Variants in SMU1 observed in about 807,000 individuals in gnomAD.
The protein encoded by SMU1 is SMU1 DNA replication regulator and spliceosomal factor, also known as WD40 repeat-containing protein SMU1.
A neutral mutation model predicts 62.0 loss-of-function variants in SMU1; 2 were observed. The ratio of observed to expected loss-of-function variants is 0.03; its 90% CI spans 0.01 to 0.10. The LOEUF (loss-of-function observed/expected upper bound fraction) is 0.10. SMU1 is among the 10% of genes least tolerant of loss of function. The pLI is 1.00. For missense variants in SMU1, 227 were observed against 622.1 expected (o/e 0.36, Z 6.76); for synonymous variants, 188 against 212.4 (o/e 0.89, Z 1.00).
chr9:33,043,905 CGTTAGTG>C lies in SMU1; in HGVS notation c.*3381_*3387del, dbSNP rs1461336034. ...TAGCAAGGAAGGGCTCAACAGAGGC[CGTTAGTG>C]GTAGTAATAATACATGCTGAAAAAA... On this transcript the variant is annotated 3_prime_UTR_variant, in exon 12 of 12. Transcript: ENST00000397149. 2 of 148,798 alleles carry C rather than the reference CGTTAGTG, an allele frequency of 1.3e-5. No individual in the cohort carries two copies. The highest frequency in any genetic ancestry group is 2.5e-5 in the African/African-American group (1 of 40,102). The allele number at this position is 148,798 out of a possible 1,614,324, so 9.2% of individuals were successfully genotyped here.
intron 6 of SMU1, among the ~76,000 whole-genome samples, chr9:33,058,490 C>T (rs568423575): frequency 6.6e-6 from 1 of 152,172 alleles, no homozygotes; most frequent in South Asian, 2.1e-4. Context: ...CTAATTTTTA[C>T]ATTTTTAGTA....
At chr9:33,049,107 A>G (rs2119419713) in intron 10 of SMU1, among the ~76,000 whole-genome samples, 1 of 152,352 alleles carries the variant, frequency 6.6e-6, no homozygotes, top group Admixed American at 6.5e-5. Context: ...TTTTGTGGAT[A>G]TTGACAACCC....
intron 3 of SMU1, among the ~76,000 whole-genome samples, chr9:33,069,395 T>C (rs1444738600): frequency 6.6e-6 from 1 of 152,246 alleles, no homozygotes; most frequent in Admixed American, 6.5e-5. Flanking sequence ...ATCCTTTCCT[T>C]TATCCTCATA....
intron 2 of SMU1, among the ~76,000 whole-genome samples, chr9:33,073,151 C>T (rs1026175586): frequency 3.3e-5 from 5 of 152,122 alleles, no homozygotes; most frequent in African/African-American, 1.2e-4. Context: ...AATCCCAGCC[C>T]TTTGGAAAGT....
chr9:33,055,140 G>A (rs1839290449), intron 9 of SMU1, among the ~76,000 whole-genome samples: 2 of 151,996 alleles, frequency 1.3e-5, no homozygotes, highest in Non-Finnish European at 2.9e-5. Flanking sequence ...AGCAATTTCA[G>A]ACGGTGGTCT....
chr9:33,050,888 G>A (rs1203959011), intron 10 of SMU1, among the ~76,000 whole-genome samples: 3 of 70,104 alleles, frequency 4.3e-5, no homozygotes, highest in South Asian at 3.1e-4. Flanking sequence ...TTGGGAGGCC[G>A]AGGCGGGCGG....
intron 10 of SMU1, among the ~76,000 whole-genome samples, chr9:33,050,782 C>T (rs868784152): frequency 8.7e-5 from 13 of 149,614 alleles, no homozygotes; most frequent in Middle Eastern, 3.5e-3. Flanking sequence ...GCTGAGATTG[C>T]GCCACTGCAC....
intron 4 of SMU1, among the ~76,000 whole-genome samples, chr9:33,067,938 T>C (rs1485583260): frequency 6.6e-6 from 1 of 152,192 alleles, no homozygotes; most frequent in Non-Finnish European, 1.5e-5. Flanking sequence ...TTATTTATAA[T>C]ATATCTATTA....
At chr9:33,054,364 G>A (rs992985942) in intron 9 of SMU1, among the ~76,000 whole-genome samples, 4 of 151,854 alleles carry the variant, frequency 2.6e-5, no homozygotes, top group African/African-American at 9.7e-5. Context: ...ATTTTGATGT[G>A]GTAGGTCTAG....
intron 3 of SMU1, among the ~76,000 whole-genome samples, chr9:33,070,048 C>A (rs1839469720): frequency 6.6e-6 from 1 of 152,004 alleles, no homozygotes. Context: ...TTACTTGGAC[C>A]CAGGAAGCGG....
chr9:33,058,675 C>A (rs537741258), intron 6 of SMU1, among the ~76,000 whole-genome samples: 3 of 152,134 alleles, frequency 2.0e-5, no homozygotes, highest in African/African-American at 4.8e-5. Flanking sequence ...GGGGAAAAAA[C>A]CAACTTGGAT....
intron 9 of SMU1, among the ~76,000 whole-genome samples, chr9:33,055,136 T>A (rs1449169107): frequency 6.6e-6 from 1 of 152,098 alleles, no homozygotes; most frequent in Non-Finnish European, 1.5e-5. Flanking sequence ...GAACAGCAAT[T>A]TCAGACGGTG....
chr9:33,074,473 G>A (rs1839520974), intron 1 of SMU1, among the ~76,000 whole-genome samples: 1 of 151,914 alleles, frequency 6.6e-6, no homozygotes. Context: ...AGCTAGGCAT[G>A]ATAGTGTGTG....
At position 33,069,301 on chromosome 9, in the gene SMU1, A is replaced by T. The variant is rs185913729; in HGVS notation, c.391-367T>A. Among the ~76,000 whole-genome samples, 5 of 152,322 alleles carry T rather than the reference A, an allele frequency of 3.3e-5. No homozygotes were observed. The East Asian group carries it at 9.6e-4, about 29-fold the overall frequency. On this transcript the variant is annotated intron_variant, in intron 3 of 11. Transcript: ENST00000397149. ...AATTTGCAGAACCAAGAATTCTTTT[A>T]TACTCTTTAGTAATTTCTTAAATGG...
Position 33,051,131 on chromosome 9 carries a change from A to T in SMU1, c.1290+1992T>A, listed in dbSNP as rs529699317. The stretch of plus-strand genomic sequence containing the variant: ...GCGAGACTCTGTCTCAAAAAAAAAA[A>T]AAAATAAAAATAAAAATAAAAAATA... On this transcript the variant is annotated intron_variant, in intron 10 of 11. Coordinates refer to ENST00000397149, the MANE Select transcript of SMU1 (RefSeq NM_018225.3). 3.9e-5 allele frequency among the ~76,000 whole-genome samples: 3 copies of T among 77,656 alleles called. 1 individual carries two copies. In the South Asian group the frequency reaches 9.1e-4, roughly 24 times the overall value. The allele number at this position is 77,656 out of a possible 152,430, so 50.9% of individuals were successfully genotyped here. A position where few individuals can be genotyped will look rare whatever the true frequency, so the allele number is the denominator to read the frequency against.
intron 8 of SMU1, 44 bp downstream of exon 8, chr9:33,056,793 T>C: frequency 6.3e-7 from 1 of 1,599,542 alleles, no homozygotes; most frequent in Non-Finnish European, 8.5e-7. Context: ...CATGGCCTCA[T>C]TATATCAAAC....
rs546335871 is a variant in SMU1 at position 33,043,552 on chromosome 9, A to G, written c.*3741T>C. ...CAAGCCAAAAGAAGTGACAGCAAAG[A>G]CTGACATCCAGAATCCTCTAATTCA... On this transcript the variant is annotated 3_prime_UTR_variant, in exon 12 of 12. Coordinates refer to ENST00000397149, the MANE Select transcript of SMU1 (RefSeq NM_018225.3). 5 of 152,360 alleles carry G rather than the reference A, an allele frequency of 3.3e-5. No homozygotes were observed. The highest frequency in any genetic ancestry group is 1.3e-4 in the Admixed American group (2 of 15,298). 9.4% of individuals were successfully genotyped at this position (152,360 alleles called of 1,614,324 possible). A position where few individuals can be genotyped will look rare whatever the true frequency, so the allele number is the denominator to read the frequency against.
chr9:33,059,957 T>G (rs769268967), intron 6 of SMU1, among the ~76,000 whole-genome samples: 1 of 151,996 alleles, frequency 6.6e-6, no homozygotes, highest in Non-Finnish European at 1.5e-5. Context: ...AATAAAACAA[T>G]TACAGATCAT....
intron 1 of SMU1, among the ~76,000 whole-genome samples, chr9:33,074,602 C>T (rs1564026127): frequency 6.6e-6 from 1 of 151,872 alleles, no homozygotes; most frequent in Non-Finnish European, 1.5e-5. Context: ...AGAGCAAGAC[C>T]TTGTCTCAAA....
Sources: gnomAD v4.1 joint callset for allele counts (sites outside exome capture counted in the v4.1 genomes callset) on GRCh38, gnomAD v4.1.1 for gene constraint, MANE v1.5 for transcripts, NCBI Gene and HGNC (gene_info 2026-07-23, HGNC 2026-07-21) for gene names.